The following COL4A5 variants were observed in gnomAD, a reference collection of about 807,000 sequenced individuals.
The protein encoded by COL4A5 is collagen type IV alpha 5 chain.
Under a neutral mutation model 130.2 loss-of-function variants are expected in COL4A5, and 26 were observed. The observed-to-expected ratio is 0.20, with a 90% CI of 0.15 to 0.28. The LOEUF is 0.28. Ranked by LOEUF, COL4A5 falls within the 10% of genes least tolerant of loss-of-function variation. The pLI, the probability that COL4A5 is intolerant of heterozygous loss-of-function variation, is 1.00. For missense variants in COL4A5, 1,131 were observed against 1,344.3 expected (o/e 0.84, Z 2.48); for synonymous variants, 496 against 439.6 (o/e 1.13, Z -1.60).
At chrX:108,571,950 T>A in intron 8 of COL4A5, 113 bp downstream of exon 8, 9 of 619,251 alleles carry the variant, frequency 1.5e-5, no homozygotes, top group Non-Finnish European at 1.1e-5. Flanking sequence ...TTCTAGAAGT[T>A]GTGCAGGTGT....
chrX:108,510,763 A>G (rs58804604), intron 1 of COL4A5, among the ~76,000 whole-genome samples: 11,604 of 111,112 alleles, frequency 0.1, 1,299 homozygotes, highest in African/African-American at 0.34. Flanking sequence ...TTTATGAAAC[A>G]TTCATGTGTT....
At chrX:108,675,292 C>T (rs780550525) in intron 43 of COL4A5, among the ~76,000 whole-genome samples, 5 of 110,533 alleles carry the variant, frequency 4.5e-5, no homozygotes, top group African/African-American at 1.6e-4. Context: ...TTTTTAATTT[C>T]GAAAAGTGCA....
At chrX:108,690,643 ATGTCTCCTT>A (rs1233279280) in intron 49 of COL4A5, among the ~76,000 whole-genome samples, 1 of 111,424 alleles carries the variant, frequency 9.0e-6, no homozygotes, top group African/African-American at 3.3e-5. Flanking sequence ...CTCCTTTCCC[ATGTCTCCTT>A]TGTCTCCTTT....
At chrX:108,451,031 T>C (rs1269580264) in intron 1 of COL4A5, among the ~76,000 whole-genome samples, 7 of 103,591 alleles carry the variant, frequency 6.8e-5, no homozygotes, top group African/African-American at 2.5e-4. Flanking sequence ...AGTGTGATGT[T>C]CCCCTTCCTG....
At chrX:108,483,007 A>T in intron 1 of COL4A5, among the ~76,000 whole-genome samples, 1 of 111,730 alleles carries the variant, frequency 9.0e-6, no homozygotes, top group Non-Finnish European at 1.9e-5. Context: ...TAAATAGTTC[A>T]TGCCAAAGAC....
chrX:108,457,801 A>C (rs764909832), intron 1 of COL4A5, among the ~76,000 whole-genome samples: 10 of 111,893 alleles, frequency 8.9e-5, no homozygotes, highest in Non-Finnish European at 1.7e-4. Context: ...TACCTTTTTT[A>C]TAAATGTCTT....
chrX:108,471,142 C>A (rs768104088), intron 1 of COL4A5, among the ~76,000 whole-genome samples: 23 of 111,206 alleles, frequency 2.1e-4, no homozygotes, highest in African/African-American at 6.5e-4. Context: ...TTTTTTGGTT[C>A]CATATGAATG....
chrX:108,478,702 CT>C (rs1309544705), intron 1 of COL4A5, among the ~76,000 whole-genome samples: 5 of 111,779 alleles, frequency 4.5e-5, no homozygotes, highest in Admixed American at 1.9e-4. Context: ...AAGTTAGTGC[CT>C]TGGTCAGGGG....
intron 30 of COL4A5, 101 bp downstream of exon 30, chrX:108,615,125 C>A (rs1264050769): frequency 6.8e-6 from 4 of 588,615 alleles, no homozygotes; most frequent in African/African-American, 2.2e-5. Flanking sequence ...CAGAAGCAGA[C>A]TTAAAAGGCA....
At chrX:108,585,777 G>T (rs181960226) in intron 18 of COL4A5, among the ~76,000 whole-genome samples, 2 of 111,256 alleles carry the variant, frequency 1.8e-5, no homozygotes, top group East Asian at 5.6e-4. Context: ...AGAGTAAAAA[G>T]AAATGATTAG....
chrX:108,664,234 A>G (rs1248047656), intron 37 of COL4A5, among the ~76,000 whole-genome samples: 1 of 112,256 alleles, frequency 8.9e-6, no homozygotes, highest in East Asian at 2.8e-4. Flanking sequence ...AAATAGATCA[A>G]TGAAACAGAA....
intron 30 of COL4A5, among the ~76,000 whole-genome samples, chrX:108,619,948 T>G (rs760806945): frequency 3.6e-5 from 4 of 112,532 alleles, no homozygotes; most frequent in Non-Finnish European, 7.5e-5. Context: ...TTTGCATCTT[T>G]GGCTTTTTAT....
intron 1 of COL4A5, among the ~76,000 whole-genome samples, chrX:108,461,797 G>C (rs777418625): frequency 1.8e-5 from 2 of 111,266 alleles, no homozygotes; most frequent in Non-Finnish European, 3.8e-5. Context: ...TTTTCACCAT[G>C]TTGGCTAGGC....
chrX:108,624,372 G>A, intron 34 of COL4A5, 38 bp downstream of exon 34: 1 of 945,023 alleles, frequency 1.1e-6, no homozygotes, highest in South Asian at 2.0e-5. Flanking sequence ...TTGCTTAGCT[G>A]ACACTGAATT....
chrX:108,520,485 T>C (rs2065254830), intron 1 of COL4A5, among the ~76,000 whole-genome samples: 2 of 111,626 alleles, frequency 1.8e-5, no homozygotes, highest in South Asian at 3.7e-4. Flanking sequence ...CCATTAGAGG[T>C]CTGTTTAAAA....
At chrX:108,502,606 G>T in intron 1 of COL4A5, among the ~76,000 whole-genome samples, 1 of 111,972 alleles carries the variant, frequency 8.9e-6, no homozygotes, top group African/African-American at 3.2e-5. Flanking sequence ...ATAGTTTTTT[G>T]TGTAGTCCGT....
At chrX:108,460,568 C>A (rs1299331331) in intron 1 of COL4A5, among the ~76,000 whole-genome samples, 1 of 108,049 alleles carries the variant, frequency 9.3e-6, no homozygotes, top group Non-Finnish European at 1.9e-5. Context: ...TGGCACACTG[C>A]AACCTCTGCC....
At chrX:108,481,462 A>G (rs2064890426) in intron 1 of COL4A5, among the ~76,000 whole-genome samples, 2 of 111,672 alleles carry the variant, frequency 1.8e-5, no homozygotes, top group African/African-American at 3.3e-5. Flanking sequence ...CTCTGTTTTT[A>G]TAATTCAAAT....
intron 36 of COL4A5, among the ~76,000 whole-genome samples, chrX:108,643,424 A>G (rs772106889): frequency 1.8e-5 from 2 of 111,738 alleles, no homozygotes; most frequent in Non-Finnish European, 3.8e-5. Flanking sequence ...CAGGTTATCT[A>G]AAGATAAGAT....
Sources: gnomAD v4.1 joint callset for allele counts (sites outside exome capture counted in the v4.1 genomes callset) on GRCh38, gnomAD v4.1.1 for gene constraint, MANE v1.5 for transcripts, NCBI Gene and HGNC (gene_info 2026-07-23, HGNC 2026-07-21) for gene names.